The following SV2C variants were observed in gnomAD, a reference collection of about 807,000 sequenced individuals.
SV2C encodes solute carrier family 22 member B3.
In SV2C, 49 loss-of-function variants were observed where a neutral mutation model predicts 79.7. The ratio of observed to expected loss-of-function variants is 0.61; its 90% CI spans 0.49 to 0.78. The LOEUF is 0.78. SV2C is among the 30% of genes least tolerant of loss of function. SV2C has a pLI of 0.00. For missense variants in SV2C, 833 were observed against 912.9 expected, an observed-to-expected ratio of 0.91 and a Z score of 1.13; for synonymous variants, 334 against 333.2, an observed-to-expected ratio of 1.00 and a Z score of -0.03.
intron 1 of SV2C, among the ~76,000 whole-genome samples, chr5:76,115,189 G>A (rs1247093641): frequency 6.6e-6 from 1 of 152,188 alleles, no homozygotes; most frequent in African/African-American, 2.4e-5. Flanking sequence ...GTCCCACTGA[G>A]GTAGTATATG....
At chr5:75,927,793 T>C in the SV2C span, among the ~76,000 whole-genome samples, 1 of 152,204 alleles carries the variant, frequency 6.6e-6, no homozygotes, top group Non-Finnish European at 1.5e-5. Flanking sequence ...CAGCAAGAGG[T>C]ACACATGAAA....
At chr5:76,088,799 TAAA>T (rs1009648804) in intron 1 of SV2C, among the ~76,000 whole-genome samples, 1 of 151,758 alleles carries the variant, frequency 6.6e-6, no homozygotes, top group African/African-American at 2.4e-5. Flanking sequence ...TCCTTTTTTT[TAAA>T]AAAAAATGGG....
At chr5:76,143,736 C>T (rs1749334080) in intron 2 of SV2C, among the ~76,000 whole-genome samples, 1 of 152,164 alleles carries the variant, frequency 6.6e-6, no homozygotes, top group Admixed American at 6.5e-5. Flanking sequence ...AGTGGTTCTA[C>T]ATCTTCTAGG....
chr5:76,344,644 G>A (rs1394364881), intron 12 of SV2C, among the ~76,000 whole-genome samples: 1 of 152,124 alleles, frequency 6.6e-6, no homozygotes, highest in African/African-American at 2.4e-5. Context: ...GGGAGGCGGA[G>A]GTTGTGGTGA....
In SV2C at chr5:76,104,120, G is replaced by A. The variant is rs115658083; in HGVS notation, c.-102+20608G>A. Among the ~76,000 whole-genome samples the A allele has an allele frequency of 7.4e-3, 1,134 of 152,324 alleles. 19 individuals are homozygous for A. The highest frequency in any genetic ancestry group is 0.026 in the African/African-American group (1,072 of 41,572). On this transcript the variant is annotated intron_variant, in intron 1 of 12. Transcript: ENST00000502798. ...TAACATCAGAATAAAAGTCAGCAGAGAGGAGTGACAGGATATATGATAGCT... is the reference window on the plus strand; with the variant it reads ...TAACATCAGAATAAAAGTCAGCAGAAAGGAGTGACAGGATATATGATAGCT...
the SV2C span, among the ~76,000 whole-genome samples, chr5:75,906,138 C>G: frequency 6.6e-6 from 1 of 152,070 alleles, no homozygotes; most frequent in South Asian, 2.1e-4. Flanking sequence ...CAGTAGATGA[C>G]AGTAACAAGC....
chr5:76,333,558 G>A lies in SV2C; in HGVS notation c.*8011G>A, dbSNP rs1392848871. On this transcript the variant is annotated 3_prime_UTR_variant, in exon 13 of 13. Coordinates refer to ENST00000502798, the MANE Select transcript of SV2C (RefSeq NM_014979.4). The stretch of plus-strand genomic sequence containing the variant: ...TCTTCCTGTTTTTAATGCTGTGTAA[G>A]ATCTCCTGCTATGAATGTTCCAGTT... 6.6e-6 allele frequency: 1 copy of A among 152,148 alleles called. No homozygotes were observed. Among genetic ancestry groups the A allele is most frequent in the African/African-American group, 2.4e-5 (1 of 41,404 alleles). 9.4% of individuals were successfully genotyped at this position (152,148 alleles called of 1,614,324 possible).
chr5:76,212,820 G>A (rs1744804413), intron 4 of SV2C, among the ~76,000 whole-genome samples: 1 of 152,150 alleles, frequency 6.6e-6, no homozygotes, highest in Non-Finnish European at 1.5e-5. Context: ...AACTCTGGAT[G>A]GTTCCAGATT....
At chr5:76,130,145 T>TAAAAAAAAAAAAA (rs375351450) in intron 1 of SV2C, among the ~76,000 whole-genome samples, 23 of 67,830 alleles carry the variant, frequency 3.4e-4, no homozygotes, top group South Asian at 7.9e-4. Flanking sequence ...TCTCAGTTCT[T>TAAAAAAAAAAAAA]AAAAAAAAAA....
At chr5:75,956,211 C>T in the SV2C span, among the ~76,000 whole-genome samples, 1 of 143,248 alleles carries the variant, frequency 7.0e-6, no homozygotes, top group East Asian at 2.0e-4. Context: ...GAATACTATG[C>T]AGCCATAAAA....
the SV2C span, among the ~76,000 whole-genome samples, chr5:76,047,958 ATATTG>A: frequency 2.0e-5 from 3 of 151,912 alleles, no homozygotes. Context: ...TTTTAACAAT[ATATTG>A]TATTCTTAAA....
chr5:75,937,666 G>T, the SV2C span, among the ~76,000 whole-genome samples: 3 of 152,116 alleles, frequency 2.0e-5, no homozygotes, highest in Admixed American at 6.6e-5. Context: ...CTGTGATAAC[G>T]TCACCACACT....
At chr5:75,900,058 A>G in the SV2C span, among the ~76,000 whole-genome samples, 1 of 152,122 alleles carries the variant, frequency 6.6e-6, no homozygotes, top group African/African-American at 2.4e-5. Context: ...CATTTATTCC[A>G]TTTACATTTA....
chr5:76,232,363 G>A (rs1166701233), intron 4 of SV2C, among the ~76,000 whole-genome samples: 22 of 151,002 alleles, frequency 1.5e-4, no homozygotes, highest in South Asian at 4.2e-4. Flanking sequence ...AGTAGGTTGC[G>A]AAAATTTTCT....
the SV2C span, among the ~76,000 whole-genome samples, chr5:75,998,307 A>G: frequency 4.5e-4 from 68 of 151,838 alleles, 1 homozygote; most frequent in African/African-American, 1.5e-3. Flanking sequence ...AAACCTGCAC[A>G]TTGTGCACAT....
chr5:75,912,001 TA>T, the SV2C span: 1 of 299,490 alleles, frequency 3.3e-6, no homozygotes, highest in Non-Finnish European at 6.7e-6. Flanking sequence ...TGGTGCTCTC[TA>T]AAGACCTGAC....
intron 2 of SV2C, among the ~76,000 whole-genome samples, chr5:76,175,711 A>G (rs1474125281): frequency 6.6e-6 from 1 of 152,256 alleles, no homozygotes; most frequent in Non-Finnish European, 1.5e-5. Context: ...CTAGAAAATC[A>G]CATACAATTT....
chr5:75,973,187 AG>A, the SV2C span, among the ~76,000 whole-genome samples: 14 of 149,952 alleles, frequency 9.3e-5, no homozygotes, highest in Non-Finnish European at 1.6e-4. Context: ...GGGGTGGGGA[AG>A]GGGGGAGGGA....
intron 1 of SV2C, among the ~76,000 whole-genome samples, chr5:76,106,901 G>A (rs1351300707): frequency 6.6e-6 from 1 of 152,124 alleles, no homozygotes; most frequent in Non-Finnish European, 1.5e-5. Context: ...ATGCTAGCAA[G>A]TAAACTCCAC....
Sources: gnomAD v4.1 joint callset for allele counts (sites outside exome capture counted in the v4.1 genomes callset) on GRCh38, gnomAD v4.1.1 for gene constraint, MANE v1.5 for transcripts, NCBI Gene and HGNC (gene_info 2026-07-23, HGNC 2026-07-21) for gene names.